SLC30A8: variants seen among roughly 807,000 people sequenced by gnomAD.
SLC30A8 encodes proton-coupled zinc antiporter SLC30A8.
In SLC30A8, 27 loss-of-function variants were observed where a neutral mutation model predicts 36.9. The observed-to-expected ratio is 0.73, with a 90% CI of 0.54 to 1.01. The LOEUF is 1.01. Among genes scored for constraint, SLC30A8 ranks in the 50% least tolerant of loss-of-function variants. The pLI, the probability that SLC30A8 is intolerant of heterozygous loss-of-function variation, is 0.00. For missense variants in SLC30A8, 439 were observed against 452.0 expected (o/e 0.97, Z 0.26); for synonymous variants, 164 against 172.4 (o/e 0.95, Z 0.38).
At chr8:117,010,216 G>T (rs981605130) in intron 1 of SLC30A8, among the ~76,000 whole-genome samples, 1 of 152,224 alleles carries the variant, frequency 6.6e-6, no homozygotes, top group Admixed American at 6.5e-5. Context: ...CTGAGGCAAA[G>T]CGGTTAGGCT....
intron 1 of SLC30A8, among the ~76,000 whole-genome samples, chr8:117,000,996 C>T (rs184978457): frequency 6.6e-6 from 1 of 151,980 alleles, no homozygotes; most frequent in Admixed American, 6.6e-5. Flanking sequence ...AATCCATTTT[C>T]CCCTTCATCT....
chr8:117,120,439 T>C (rs886775189), intron 2 of SLC30A8, among the ~76,000 whole-genome samples: 1 of 151,864 alleles, frequency 6.6e-6, no homozygotes. Context: ...ATTGCACCCT[T>C]ATTTTAAACC....
chr8:117,082,363 G>GA (rs34772819), intron 2 of SLC30A8, among the ~76,000 whole-genome samples: 76 of 151,040 alleles, frequency 5.0e-4, no homozygotes, highest in African/African-American at 1.8e-3. Context: ...GATTAAAAGA[G>GA]AAAAAAAAAT....
chr8:117,118,412 T>C (rs950761725), intron 2 of SLC30A8, among the ~76,000 whole-genome samples: 2 of 151,960 alleles, frequency 1.3e-5, no homozygotes, highest in Admixed American at 1.3e-4. Context: ...TTTGATTAAA[T>C]TGGAAGCACA....
At chr8:117,123,374 A>C (rs182855059) in intron 2 of SLC30A8, among the ~76,000 whole-genome samples, 126 of 152,154 alleles carry the variant, frequency 8.3e-4, no homozygotes, top group Non-Finnish European at 1.5e-3. Flanking sequence ...AATGGATGAC[A>C]TTTACATAAA....
intron 2 of SLC30A8, among the ~76,000 whole-genome samples, chr8:117,123,968 C>T (rs1820794205): frequency 6.6e-6 from 1 of 151,890 alleles, no homozygotes; most frequent in African/African-American, 2.4e-5. Context: ...CCTTGGTGTG[C>T]ACATTCTTAT....
intron 1 of SLC30A8, among the ~76,000 whole-genome samples, chr8:116,974,410 T>C (rs1351848901): frequency 2.0e-5 from 3 of 152,266 alleles, no homozygotes; most frequent in East Asian, 3.9e-4. Context: ...AGAAGACATT[T>C]ATGCAGCCAA....
chr8:117,044,590 C>T (rs112921018), intron 2 of SLC30A8, among the ~76,000 whole-genome samples: 10 of 152,332 alleles, frequency 6.6e-5, no homozygotes, highest in African/African-American at 2.4e-4. Flanking sequence ...AGCATTGCTT[C>T]TAGAGCAAAT....
chr8:117,069,673 A>G (rs1171554389), intron 2 of SLC30A8, among the ~76,000 whole-genome samples: 1 of 152,266 alleles, frequency 6.6e-6, no homozygotes, highest in African/African-American at 2.4e-5. Flanking sequence ...TACCTCTATC[A>G]TGAAGGCTGG....
Position 117,102,501 on chromosome 8 carries a change from A to G in SLC30A8, c.-225-32779A>G, listed in dbSNP as rs144660598. On this transcript the variant is annotated intron_variant, in intron 2 of 10. Transcript: ENST00000427715. ...GTGCTGTATTAGTTTACAGGCTGCC[A>G]TAATAAATCACTACAAACTGAGTAG... Among the ~76,000 whole-genome samples, 1,457 of 152,270 alleles carry G rather than the reference A, an allele frequency of 9.6e-3. 11 individuals carry two copies. The highest frequency in any genetic ancestry group is 0.035 in the South Asian group (168 of 4,824).
chr8:116,958,242 G>A (rs557459471), intron 1 of SLC30A8, among the ~76,000 whole-genome samples: 5 of 152,248 alleles, frequency 3.3e-5, no homozygotes, highest in Non-Finnish European at 4.4e-5. Flanking sequence ...TTCTAGGAAT[G>A]TAGTGGTTAT....
chr8:116,971,644 A>G (rs920444376), intron 1 of SLC30A8, among the ~76,000 whole-genome samples: 17 of 152,224 alleles, frequency 1.1e-4, no homozygotes, highest in African/African-American at 3.1e-4. Context: ...TCAAATTCAG[A>G]AAGATGTTGG....
intron 2 of SLC30A8, among the ~76,000 whole-genome samples, chr8:117,079,319 T>C (rs1818589688): frequency 6.6e-6 from 1 of 152,162 alleles, no homozygotes; most frequent in African/African-American, 2.4e-5. Context: ...CTGAATTCTC[T>C]TCCTTTTACT....
intron 1 of SLC30A8, among the ~76,000 whole-genome samples, chr8:116,968,769 G>A (rs1013028720): frequency 2.0e-5 from 3 of 151,556 alleles, no homozygotes; most frequent in Admixed American, 6.6e-5. Context: ...ATGGAGTCTC[G>A]TTCTGTCACC....
chr8:117,176,082 T>C lies in SLC30A8; in HGVS notation c.*3401T>C, dbSNP rs1823667701. 1 of 152,232 alleles carries C rather than the reference T, an allele frequency of 6.6e-6. No homozygotes were observed. Among genetic ancestry groups the C allele is most frequent in the African/African-American group, 2.4e-5 (1 of 41,574 alleles). 9.4% of individuals were successfully genotyped at this position (152,232 alleles called of 1,614,324 possible). A position where few individuals can be genotyped will look rare whatever the true frequency, so the allele number is the denominator to read the frequency against. On this transcript the variant is annotated 3_prime_UTR_variant, in exon 8 of 8. Transcript: ENST00000456015. ...AAATATCAAGTTCTTGGCTTTTCTC[T>C]GTCATGTAGCCTCAACTTTCTCTGA...
At chr8:117,018,637 T>C (rs1165629480) in intron 1 of SLC30A8, among the ~76,000 whole-genome samples, 1 of 150,192 alleles carries the variant, frequency 6.7e-6, no homozygotes, top group Non-Finnish European at 1.5e-5. Context: ...GGTTGAAAAC[T>C]GCGGCCTGTG....
At position 117,172,833 on chromosome 8, in the gene SLC30A8, A is replaced by G. The variant is rs1823459529; in HGVS notation, c.*152A>G. 2 of 857,474 alleles carry G rather than the reference A, an allele frequency of 2.3e-6. No individual in the cohort carries two copies. Among genetic ancestry groups the G allele is most frequent in the Admixed American group, 2.6e-5 (1 of 38,792 alleles). 53.1% of individuals were successfully genotyped at this position (857,474 alleles called of 1,614,324 possible). On this transcript the variant is annotated 3_prime_UTR_variant, in exon 8 of 8. Coordinates refer to ENST00000456015, the MANE Select transcript of SLC30A8 (RefSeq NM_173851.3). Reference sequence around the variant, plus strand: ...ATCTATTTATTTAGTTCCATTCACCATGAAGGAAGAGGCACTGAGATCCAT... The same window carrying G: ...ATCTATTTATTTAGTTCCATTCACCGTGAAGGAAGAGGCACTGAGATCCAT...
At chr8:117,007,655 C>T (rs553661524) in intron 1 of SLC30A8, among the ~76,000 whole-genome samples, 46 of 152,152 alleles carry the variant, frequency 3.0e-4, no homozygotes, top group Non-Finnish European at 6.5e-4. Flanking sequence ...AAAGGTTTTG[C>T]ATACCTTATC....
chr8:116,957,927 C>T (rs534215819), intron 1 of SLC30A8, among the ~76,000 whole-genome samples: 1 of 152,296 alleles, frequency 6.6e-6, no homozygotes, highest in South Asian at 2.1e-4. Flanking sequence ...TCTACAGCAC[C>T]TGAGGGCAGC....
Sources: allele counts gnomAD v4.1 joint callset (sites outside exome capture counted in the v4.1 genomes callset), GRCh38; gene constraint gnomAD v4.1.1; transcripts MANE v1.5; gene names NCBI Gene and HGNC (gene_info 2026-07-23, HGNC 2026-07-21).